Variants in CDK5RAP2 observed in about 807,000 individuals in gnomAD.
The protein encoded by CDK5RAP2 is CDK5 regulatory subunit-associated protein 2.
A neutral mutation model predicts 232.9 loss-of-function variants in CDK5RAP2; 147 were observed. The observed-to-expected ratio is 0.63, with a 90% CI of 0.55 to 0.72. The LOEUF is 0.72. Ranked by LOEUF, CDK5RAP2 falls within the 30% of genes least tolerant of loss-of-function variation. The pLI is 0.00. For missense variants in CDK5RAP2, 2,195 were observed against 2,231.5 expected (o/e 0.98, Z 0.33); for synonymous variants, 833 against 833.7 (o/e 1.00, Z 0.01).
At chr9:120,573,240 G>A (rs567639847) in intron 1 of CDK5RAP2, among the ~76,000 whole-genome samples, 5 of 152,162 alleles carry the variant, frequency 3.3e-5, no homozygotes, top group Admixed American at 6.5e-5. Context: ...CCAACATTAA[G>A]AAAATGATCA....
intron 20 of CDK5RAP2, among the ~76,000 whole-genome samples, chr9:120,455,217 G>C (rs992914534): frequency 6.6e-6 from 1 of 152,114 alleles, no homozygotes; most frequent in African/African-American, 2.4e-5. Flanking sequence ...GAACAACAGC[G>C]GAGGGCTTCT....
intron 15 of CDK5RAP2, among the ~76,000 whole-genome samples, chr9:120,475,602 T>TC (rs1379436632): frequency 7.1e-6 from 1 of 140,506 alleles, no homozygotes; most frequent in Non-Finnish European, 1.6e-5. Flanking sequence ...ACCGCCCACC[T>TC]CCCCCAACAC....
rs1279270922 is a variant in CDK5RAP2 at position 120,439,604 on chromosome 9, T to C, written c.3517A>G (p.Ser1173Gly). 6.2e-7 allele frequency: 1 copy of C among 1,614,208 alleles called. No homozygotes were observed. Among genetic ancestry groups the C allele is most frequent in the Non-Finnish European group, 8.5e-7 (1 of 1,180,036 alleles). Residue 1173 changes from serine (S) to glycine (G), a missense_variant, in exon 24 of 38, where the codon AGT becomes GGT. Transcript: ENST00000349780. ...TTCACGTATCGCACTTGGTGCAAACTTGAAAAGGTCATTTCTTCCCCATCA... is the reference window on the plus strand; with the variant it reads ...TTCACGTATCGCACTTGGTGCAAACCTGAAAAGGTCATTTCTTCCCCATCA... ...GSDGEEMTFS[S>G]LHQVRYVKHV... is the part of the protein sequence containing the mutation.
At chr9:120,518,204 T>TGAGAGA (rs1436096356) in intron 12 of CDK5RAP2, among the ~76,000 whole-genome samples, 3 of 107,262 alleles carry the variant, frequency 2.8e-5, no homozygotes, top group African/African-American at 1.2e-4. Flanking sequence ...TGTGTGTGTG[T>TGAGAGA]GTGTGTGAGA....
chr9:120,496,089 C>T, intron 12 of CDK5RAP2, among the ~76,000 whole-genome samples: 2 of 74,688 alleles, frequency 2.7e-5, no homozygotes, highest in African/African-American at 5.5e-5. Flanking sequence ...CGCCTCTGCC[C>T]AGCCGCCCCT....
chr9:120,411,518 A>G (rs749819343), intron 28 of CDK5RAP2, 44 bp from the exon 29 acceptor site: 23 of 1,036,854 alleles, frequency 2.2e-5, no homozygotes, highest in Non-Finnish European at 3.0e-6. Flanking sequence ...CAGTCTCCAG[A>G]TCAGTATAGA....
Position 120,403,984 on chromosome 9 carries a change from T to C in CDK5RAP2, c.5041+52A>G. On this transcript the variant is annotated intron_variant, in intron 33 of 37. Transcript: ENST00000349780. The surrounding 1 kb of genome is among the most constrained non-coding windows in gnomAD (Gnocchi z 4.2). The stretch of plus-strand genomic sequence containing the variant: ...CCCCCCTTTTCTGCAAGTTAAAAAG[T>C]CTTACTGTCACATCCAATGCTCCCA... The C allele has an allele frequency of 8.0e-7, 1 of 1,253,484 alleles. No individual in the cohort carries two copies. The highest frequency in any genetic ancestry group is 1.2e-6 in the Non-Finnish European group (1 of 850,836). 77.6% of individuals were successfully genotyped at this position (1,253,484 alleles called of 1,614,324 possible). A position where few individuals can be genotyped will look rare whatever the true frequency, so the allele number is the denominator to read the frequency against.
At position 120,515,056 on chromosome 9, in the gene CDK5RAP2, GAGAC is replaced by G. The variant is rs910426388; in HGVS notation, c.1311+3367_1311+3370del. Among the ~76,000 whole-genome samples, 322 of 152,124 alleles carry G rather than the reference GAGAC, an allele frequency of 2.1e-3. 1 individual carries two copies. The highest frequency in any genetic ancestry group is 7.4e-3 in the African/African-American group (306 of 41,496). On this transcript the variant is annotated intron_variant, in intron 12 of 37. Coordinates refer to ENST00000349780, the MANE Select transcript of CDK5RAP2 (RefSeq NM_018249.6). The stretch of plus-strand genomic sequence containing the variant: ...AACTACATATTATATATTATCGAGA[GAGAC>G]AGAGAGAGAGAGAGAGAGACAGAGT...
At chr9:120,518,903 A>G (rs1267992005) in intron 11 of CDK5RAP2, among the ~76,000 whole-genome samples, 1 of 152,150 alleles carries the variant, frequency 6.6e-6, no homozygotes, top group Non-Finnish European at 1.5e-5. Flanking sequence ...TCAGCTGGGC[A>G]CAGTGGCTCA....
chr9:120,571,068 GA>G (rs2042838083), intron 2 of CDK5RAP2, among the ~76,000 whole-genome samples: 2 of 146,850 alleles, frequency 1.4e-5, no homozygotes. Context: ...CTGAGATGGA[GA>G]ATTGCTTGAG....
chr9:120,411,706 G>T (rs1402097481), intron 28 of CDK5RAP2, among the ~76,000 whole-genome samples: 1 of 152,156 alleles, frequency 6.6e-6, no homozygotes, highest in African/African-American at 2.4e-5. Flanking sequence ...CAGAAGACCT[G>T]GGCCAGGAGT....
intron 22 of CDK5RAP2, among the ~76,000 whole-genome samples, chr9:120,444,425 A>C (rs2036073953): frequency 6.6e-6 from 1 of 152,184 alleles, no homozygotes; most frequent in Admixed American, 6.5e-5. Context: ...CCAGATGGGG[A>C]GTTCTCAGAA....
chr9:120,465,235 G>C (rs2037308481), intron 18 of CDK5RAP2, among the ~76,000 whole-genome samples: 1 of 152,204 alleles, frequency 6.6e-6, no homozygotes, highest in African/African-American at 2.4e-5. Context: ...AGGTCCACAA[G>C]TTATACAGTT....
intron 36 of CDK5RAP2, among the ~76,000 whole-genome samples, chr9:120,393,740 C>A (rs1459687203): frequency 6.6e-6 from 1 of 152,256 alleles, no homozygotes; most frequent in Non-Finnish European, 1.5e-5. Flanking sequence ...TAGATCAGAA[C>A]TGGGACTGAC....
At chr9:120,506,745 T>C (rs1216913146) in intron 12 of CDK5RAP2, among the ~76,000 whole-genome samples, 1 of 152,186 alleles carries the variant, frequency 6.6e-6, no homozygotes, top group Non-Finnish European at 1.5e-5. Context: ...GTGACTGAAT[T>C]GCTGCAATCT....
intron 5 of CDK5RAP2, among the ~76,000 whole-genome samples, chr9:120,539,660 A>C (rs1411820712): frequency 6.6e-6 from 1 of 152,260 alleles, no homozygotes; most frequent in Non-Finnish European, 1.5e-5. Context: ...GTACAAAGTA[A>C]GTATTCAATA....
intron 2 of CDK5RAP2, 118 bp downstream of exon 2, chr9:120,571,856 G>T: frequency 3.9e-6 from 3 of 774,772 alleles, no homozygotes; most frequent in Non-Finnish European, 2.3e-6. Flanking sequence ...AGCACCTACG[G>T]TGTGCCAGTT....
chr9:120,520,678 A>G (rs1166598371), intron 11 of CDK5RAP2, among the ~76,000 whole-genome samples: 2 of 150,338 alleles, frequency 1.3e-5, no homozygotes, highest in Admixed American at 6.7e-5. Flanking sequence ...CATATATCAC[A>G]TATCATATGA....
intron 1 of CDK5RAP2, among the ~76,000 whole-genome samples, chr9:120,577,987 A>C (rs2043097839): frequency 1.3e-5 from 2 of 152,316 alleles, no homozygotes; most frequent in South Asian, 4.1e-4. Flanking sequence ...AATAGTTCTC[A>C]CGCCGGGCGC....
Sources: allele counts gnomAD v4.1 joint callset (sites outside exome capture counted in the v4.1 genomes callset), GRCh38; gene constraint gnomAD v4.1.1; non-coding constraint Gnocchi (gnomAD v3.1); transcripts MANE v1.5; gene names NCBI Gene and HGNC (gene_info 2026-07-23, HGNC 2026-07-21).